DPP10: variants seen among roughly 807,000 people sequenced by gnomAD.
DPP10 encodes dipeptidyl peptidase like 10.
DPP10 carries 33 observed loss-of-function variants against 120.9 expected under a neutral mutation model. The ratio of observed to expected loss-of-function variants is 0.27; its 90% CI spans 0.21 to 0.37. The LOEUF (loss-of-function observed/expected upper bound fraction) is 0.37. Ranked by LOEUF, DPP10 falls within the 10% of genes least tolerant of loss-of-function variation. The pLI is 1.00. For missense variants in DPP10, 816 were observed against 942.8 expected, an observed-to-expected ratio of 0.87 and a Z score of 1.76; for synonymous variants, 337 against 326.1, an observed-to-expected ratio of 1.03 and a Z score of -0.36.
At chr2:114,798,740 T>C (rs1262145757) in intron 1 of DPP10, among the ~76,000 whole-genome samples, 1 of 152,204 alleles carries the variant, frequency 6.6e-6, no homozygotes, top group Non-Finnish European at 1.5e-5. Flanking sequence ...TACATAGATG[T>C]GGTCACCTCG....
At chr2:115,504,095 A>G (rs1220563454) in intron 4 of DPP10, among the ~76,000 whole-genome samples, 1 of 151,972 alleles carries the variant, frequency 6.6e-6, no homozygotes, top group Admixed American at 6.6e-5. Context: ...CTTTTGAATA[A>G]CCCTGCAAAG....
intron 1 of DPP10, among the ~76,000 whole-genome samples, chr2:115,113,790 G>C (rs1022590158): frequency 6.6e-6 from 1 of 152,146 alleles, no homozygotes; most frequent in Non-Finnish European, 1.5e-5. Flanking sequence ...GGTGTATTAA[G>C]ATATCAAGAA....
chr2:114,875,119 T>C (rs1691046986), intron 1 of DPP10, among the ~76,000 whole-genome samples: 1 of 152,192 alleles, frequency 6.6e-6, no homozygotes, highest in Admixed American at 6.6e-5. Context: ...AGCTTGCCTT[T>C]ACTTGTACAC....
chr2:115,289,681 C>T (rs1432051581), intron 1 of DPP10, among the ~76,000 whole-genome samples: 2 of 151,920 alleles, frequency 1.3e-5, no homozygotes. Flanking sequence ...ATAGAGAACC[C>T]AGACATAAAG....
intron 2 of DPP10, among the ~76,000 whole-genome samples, chr2:115,318,392 C>A (rs1396575779): frequency 6.6e-6 from 1 of 152,008 alleles, no homozygotes; most frequent in East Asian, 1.9e-4. Context: ...ATATATATTG[C>A]TTTGCTATGA....
At chr2:114,558,176 TGCCC>T (rs1688473810) in intron 1 of DPP10, among the ~76,000 whole-genome samples, 1 of 152,140 alleles carries the variant, frequency 6.6e-6, no homozygotes, top group Admixed American at 6.5e-5. Context: ...GAAGACAGAG[TGCCC>T]GGGCGCTCCA....
At chr2:114,599,835 T>G (rs1157520077) in intron 1 of DPP10, among the ~76,000 whole-genome samples, 2 of 151,718 alleles carry the variant, frequency 1.3e-5, no homozygotes, top group Non-Finnish European at 3.0e-5. Context: ...ATAGATTTAA[T>G]TATTGTTTGT....
chr2:115,447,597 G>T (rs2072727733), intron 3 of DPP10, among the ~76,000 whole-genome samples: 1 of 152,152 alleles, frequency 6.6e-6, no homozygotes, highest in Non-Finnish European at 1.5e-5. Flanking sequence ...TGCTGCTCTT[G>T]TGATAGTGAG....
intron 1 of DPP10, among the ~76,000 whole-genome samples, chr2:115,188,423 T>C (rs922618164): frequency 2.0e-5 from 3 of 152,192 alleles, no homozygotes; most frequent in African/African-American, 7.2e-5. Context: ...AACTACATTA[T>C]GGTAAATTTT....
At chr2:115,274,739 A>G (rs531825783) in intron 1 of DPP10, among the ~76,000 whole-genome samples, 1 of 152,258 alleles carries the variant, frequency 6.6e-6, no homozygotes, top group Non-Finnish European at 1.5e-5. Flanking sequence ...ATGGAAAGAC[A>G]CTATGCAAAA....
intron 7 of DPP10, among the ~76,000 whole-genome samples, chr2:115,698,511 T>C (rs1447818384): frequency 6.6e-6 from 1 of 152,214 alleles, no homozygotes; most frequent in African/African-American, 2.4e-5. Context: ...TACAAGATCA[T>C]GTGTGACGCT....
intron 3 of DPP10, among the ~76,000 whole-genome samples, chr2:115,458,007 A>T (rs13027270): frequency 0.27 from 40,847 of 151,992 alleles, 6,428 homozygotes; most frequent in East Asian, 0.41. Flanking sequence ...CTACTATAAG[A>T]TGGATAAGTC....
At chr2:115,288,908 A>G (rs528929868) in intron 1 of DPP10, among the ~76,000 whole-genome samples, 1 of 152,264 alleles carries the variant, frequency 6.6e-6, no homozygotes, top group African/African-American at 2.4e-5. Flanking sequence ...CTCTTTCCCT[A>G]CTTCTATTCA....
chr2:114,906,339 G>A lies in DPP10; in HGVS notation c.61-402900G>A, dbSNP rs188422946. Among the ~76,000 whole-genome samples, 555 of 150,444 alleles carry A rather than the reference G, an allele frequency of 3.7e-3. 8 individuals carry two copies. The highest frequency in any genetic ancestry group is 9.5e-3 in the Admixed American group (143 of 15,074). The stretch of plus-strand genomic sequence containing the variant: ...GTGGAGGTTGCAGTTAGCGGAGATC[G>A]CACCACTTCACTCCAGCCTGGGCGA... On this transcript the variant is annotated intron_variant, in intron 1 of 25. Coordinates refer to ENST00000410059, the MANE Select transcript of DPP10 (RefSeq NM_020868.6).
chr2:115,592,554 G>T (rs915608163), intron 5 of DPP10, among the ~76,000 whole-genome samples: 13 of 147,498 alleles, frequency 8.8e-5, no homozygotes, highest in African/African-American at 3.3e-4. Context: ...CCAACATGGT[G>T]AAACCCCGTC....
chr2:115,265,539 A>T (rs2059422889), intron 1 of DPP10, among the ~76,000 whole-genome samples: 1 of 152,078 alleles, frequency 6.6e-6, no homozygotes, highest in Non-Finnish European at 1.5e-5. Context: ...CAAAAATTTC[A>T]CAAATAATAA....
At position 115,447,951 on chromosome 2, in the gene DPP10, A is replaced by C. The variant is rs1400665; in HGVS notation, c.272-51559A>C. On this transcript the variant is annotated intron_variant, in intron 3 of 25. Transcript: ENST00000410059. ...GATGGATAGGATGATGATGATAATA[A>C]ATAATATGTAATAAGAACAAATTTT... 4.0e-3 allele frequency among the ~76,000 whole-genome samples: 606 copies of C among 152,342 alleles called. 2 individuals are homozygous for C. The highest frequency in any genetic ancestry group is 0.014 in the African/African-American group (562 of 41,590).
intron 1 of DPP10, among the ~76,000 whole-genome samples, chr2:114,969,452 T>C (rs1181724101): frequency 6.6e-6 from 1 of 152,238 alleles, no homozygotes; most frequent in African/African-American, 2.4e-5. Context: ...TATATATGTG[T>C]GTTTGTGTAT....
intron 3 of DPP10, among the ~76,000 whole-genome samples, chr2:115,409,001 G>A (rs2068736512): frequency 6.6e-6 from 1 of 151,592 alleles, no homozygotes; most frequent in Admixed American, 6.6e-5. Flanking sequence ...GAGAAAAACA[G>A]TAACTAAAAT....
Sources: gnomAD v4.1 joint callset for allele counts (sites outside exome capture counted in the v4.1 genomes callset) on GRCh38, gnomAD v4.1.1 for gene constraint, MANE v1.5 for transcripts, NCBI Gene and HGNC (gene_info 2026-07-23, HGNC 2026-07-21) for gene names.